The following ZCCHC7 variants were observed in gnomAD, a reference collection of about 807,000 sequenced individuals.
ZCCHC7 encodes the protein zinc finger CCHC-type containing 7, also known as zinc finger CCHC domain-containing protein 7.
A neutral mutation model predicts 52.0 loss-of-function variants in ZCCHC7; 35 were observed. The observed-to-expected ratio is 0.67, with a 90% CI of 0.51 to 0.89. The LOEUF is 0.89. Ranked by LOEUF, ZCCHC7 falls within the 40% of genes least tolerant of loss-of-function variation. The pLI, the probability that ZCCHC7 is intolerant of heterozygous loss-of-function variation, is 0.00. For synonymous variants in ZCCHC7, 217 were observed against 221.5 expected (o/e 0.98, Z 0.18); for missense variants, 574 against 649.1 (o/e 0.88, Z 1.26).
chr9:37,175,155 G>T (rs781229685), intron 2 of ZCCHC7, among the ~76,000 whole-genome samples: 2 of 151,330 alleles, frequency 1.3e-5, no homozygotes, highest in African/African-American at 2.4e-5. Context: ...GTGGTTTATT[G>T]GGTATAGTCA....
intron 2 of ZCCHC7, among the ~76,000 whole-genome samples, chr9:37,161,014 A>G (rs1821072205): frequency 6.7e-6 from 1 of 150,264 alleles, no homozygotes; most frequent in Admixed American, 6.6e-5. Flanking sequence ...CAGTGGCACG[A>G]TCTCAGCTCA....
At chr9:37,348,521 A>G (rs1180396450) in intron 6 of ZCCHC7, among the ~76,000 whole-genome samples, 1 of 152,080 alleles carries the variant, frequency 6.6e-6, no homozygotes, top group Non-Finnish European at 1.5e-5. Context: ...CTGGGACTAC[A>G]GGCACACACC....
At chr9:37,269,182 GAGTA>G (rs1827265658) in intron 2 of ZCCHC7, among the ~76,000 whole-genome samples, 1 of 152,158 alleles carries the variant, frequency 6.6e-6, no homozygotes, top group East Asian at 1.9e-4. Context: ...GAGGCTGGAA[GAGTA>G]AGTAAAGATC....
chr9:37,266,135 A>G (rs1159641540), intron 2 of ZCCHC7, among the ~76,000 whole-genome samples: 1 of 152,224 alleles, frequency 6.6e-6, no homozygotes, highest in Non-Finnish European at 1.5e-5. Context: ...TCCTTTTTTA[A>G]ACTAAAATGA....
chr9:37,220,562 A>T (rs1824758049), intron 2 of ZCCHC7, among the ~76,000 whole-genome samples: 1 of 152,196 alleles, frequency 6.6e-6, no homozygotes, highest in African/African-American at 2.4e-5. Flanking sequence ...AAGGAAGGGC[A>T]TCACATGATA....
intron 2 of ZCCHC7, among the ~76,000 whole-genome samples, chr9:37,289,910 G>A (rs753797309): frequency 1.4e-4 from 22 of 152,086 alleles, no homozygotes; most frequent in Non-Finnish European, 2.1e-4. Flanking sequence ...TGCTCTTACC[G>A]CAGAAGTACA....
At chr9:37,170,899 A>C (rs903577870) in intron 2 of ZCCHC7, among the ~76,000 whole-genome samples, 1 of 152,170 alleles carries the variant, frequency 6.6e-6, no homozygotes, top group African/African-American at 2.4e-5. Flanking sequence ...ATAGGGTAAC[A>C]CACAGCCATC....
chr9:37,214,882 C>A (rs1258479095), intron 2 of ZCCHC7, among the ~76,000 whole-genome samples: 2 of 151,898 alleles, frequency 1.3e-5, no homozygotes, highest in African/African-American at 4.8e-5. Flanking sequence ...TTTTGTGAAA[C>A]TAATATTGCA....
intron 5 of ZCCHC7, among the ~76,000 whole-genome samples, chr9:37,306,816 C>T (rs1332485943): frequency 3.3e-5 from 3 of 89,656 alleles, no homozygotes; most frequent in African/African-American, 4.3e-5. Context: ...GAGACAGGGT[C>T]TCGCTCTGTC....
At chr9:37,352,078 G>A (rs1211330144) in intron 7 of ZCCHC7, among the ~76,000 whole-genome samples, 5 of 152,182 alleles carry the variant, frequency 3.3e-5, no homozygotes, top group Non-Finnish European at 7.3e-5. Context: ...CTGTGCTAAT[G>A]GAGGGGACCA....
At chr9:37,290,587 C>T (rs994873678) in intron 2 of ZCCHC7, among the ~76,000 whole-genome samples, 1 of 151,970 alleles carries the variant, frequency 6.6e-6, no homozygotes, top group Non-Finnish European at 1.5e-5. Flanking sequence ...ACCCGGGAGG[C>T]GGATGGAGGT....
chr9:37,200,357 T>G (rs1823569634), intron 2 of ZCCHC7, among the ~76,000 whole-genome samples: 1 of 152,210 alleles, frequency 6.6e-6, no homozygotes, highest in Non-Finnish European at 1.5e-5. Flanking sequence ...ATGTTTCCTG[T>G]TGCTTTAATT....
At chr9:37,296,236 T>C (rs1433203872) in intron 2 of ZCCHC7, among the ~76,000 whole-genome samples, 1 of 152,160 alleles carries the variant, frequency 6.6e-6, no homozygotes, top group East Asian at 1.9e-4. Context: ...TGAACAAAAG[T>C]ACAGAACTGG....
At chr9:37,170,713 G>A (rs1425318751) in intron 2 of ZCCHC7, among the ~76,000 whole-genome samples, 2 of 152,020 alleles carry the variant, frequency 1.3e-5, no homozygotes, top group African/African-American at 2.4e-5. Flanking sequence ...TCATCGACAC[G>A]TTTCTTCTCT....
chr9:37,327,149 T>G (rs988850052), intron 5 of ZCCHC7: 10 of 152,164 alleles, frequency 6.6e-5, no homozygotes, highest in African/African-American at 2.2e-4. Context: ...TTGTTACCTA[T>G]TCTAGTTTCA....
At chr9:37,159,465 A>T (rs1218902024) in intron 2 of ZCCHC7, among the ~76,000 whole-genome samples, 2 of 152,198 alleles carry the variant, frequency 1.3e-5, no homozygotes, top group African/African-American at 4.8e-5. Flanking sequence ...GTATTTCAAA[A>T]CAAAGATGTT....
intron 2 of ZCCHC7, among the ~76,000 whole-genome samples, chr9:37,288,017 G>C (rs962165977): frequency 6.6e-6 from 1 of 151,996 alleles, no homozygotes; most frequent in East Asian, 1.9e-4. Context: ...AGTGGCTCAT[G>C]CCTGTAATCC....
chr9:37,204,245 A>C (rs930855556), intron 2 of ZCCHC7, among the ~76,000 whole-genome samples: 1 of 152,080 alleles, frequency 6.6e-6, no homozygotes, highest in African/African-American at 2.4e-5. Flanking sequence ...ATTTTCTCCC[A>C]TTCTGTAGGT....
intron 6 of ZCCHC7, among the ~76,000 whole-genome samples, chr9:37,336,414 A>G (rs532938996): frequency 6.6e-6 from 1 of 152,264 alleles, no homozygotes; most frequent in East Asian, 1.9e-4. Flanking sequence ...CCCTTCTAAC[A>G]GGTCCTTGCA....
Sources: gnomAD v4.1 joint callset for allele counts (sites outside exome capture counted in the v4.1 genomes callset) on GRCh38, gnomAD v4.1.1 for gene constraint, MANE v1.5 for transcripts, NCBI Gene and HGNC (gene_info 2026-07-23, HGNC 2026-07-21) for gene names.